SRSF4: variants seen among roughly 807,000 people sequenced by gnomAD.
The protein encoded by SRSF4 is serine/arginine-rich splicing factor 4.
SRSF4 carries 12 observed loss-of-function variants against 48.8 expected under a neutral mutation model. The ratio of observed to expected loss-of-function variants is 0.25; its 90% CI spans 0.16 to 0.40. The LOEUF (loss-of-function observed/expected upper bound fraction) is 0.40, where lower values mean the gene tolerates loss of function less well. SRSF4 is among the 10% of genes least tolerant of loss of function. The probability of loss-of-function intolerance (pLI) is 1.00; values close to 1 mark genes in which losing one functional copy is unlikely to be tolerated. For missense variants in SRSF4, 466 were observed against 667.1 expected, an observed-to-expected ratio of 0.70 and a Z score of 3.32; for synonymous variants, 248 against 232.5, an observed-to-expected ratio of 1.07 and a Z score of -0.61.
chr1:29,176,477 A>C (rs1167186500), intron 1 of SRSF4, among the ~76,000 whole-genome samples: 1 of 139,016 alleles, frequency 7.2e-6, no homozygotes, highest in Non-Finnish European at 1.5e-5. Context: ...GAGAATTAAA[A>C]ACTAAAAACT....
chr1:29,163,093 T>C (rs1443161531), intron 1 of SRSF4, among the ~76,000 whole-genome samples: 3 of 152,192 alleles, frequency 2.0e-5, no homozygotes, highest in African/African-American at 7.2e-5. Context: ...GAATCTTTCT[T>C]TGCAAGCTGA....
Position 29,160,388 on chromosome 1 carries a change from G to GT in SRSF4, c.236dup (p.Tyr79Ter). Residue 79 changes from tyrosine to a stop codon, truncating the protein, a stop_gained and frameshift_variant, in exon 2 of 6, where the codon TAC becomes TAAC. Coordinates refer to ENST00000373795, the MANE Select transcript of SRSF4 (RefSeq NM_005626.5). LOFTEE classifies it high-confidence loss of function. ...TTGAATGCTTACTGCGTCCAGAACC[G>GT]TAACTGCCATCTCGCCGTGGGCCGC... ...HARGPRRDGS[Y>*]GSGRSGYGYR... 6.2e-7 allele frequency: 1 copy of GT among 1,613,124 alleles called. No homozygotes were observed. The highest frequency in any genetic ancestry group is 8.5e-7 in the Non-Finnish European group (1 of 1,179,698).
chr1:29,156,889 A>G (rs1235262424), intron 3 of SRSF4, among the ~76,000 whole-genome samples: 1 of 152,228 alleles, frequency 6.6e-6, no homozygotes, highest in African/African-American at 2.4e-5. Flanking sequence ...TCTCCACACT[A>G]TTTACTGAGT....
rs774641267 is a variant in SRSF4, at chr1:29,148,594, G to A, written c.1301C>T (p.Ala434Val). Residue 434 changes from alanine to valine, a missense_variant, in exon 6 of 6, where the codon GCT becomes GTT. By Grantham distance (64) the Ala-to-Val change is moderately conservative. This residue lies in a region of SRSF4 where 402 missense variants were observed against 437.0 expected (regional missense o/e 0.92). Transcript: ENST00000373795. The part of the protein sequence containing the change: ...QREGRGESEN[A>V]GTNQETRSRS... The stretch of plus-strand genomic sequence containing the variant: ...GGACCGGGTCTCCTGATTGGTGCCA[G>A]CATTCTCACTCTCTCCTCGACCTTC... 13 of 1,613,936 alleles carry A rather than the reference G, an allele frequency of 8.1e-6. No individual in the cohort carries two copies. In the East Asian group the frequency reaches 2.5e-4, roughly 30 times the overall value.
At chr1:29,160,252 T>A in intron 2 of SRSF4, 123 bp downstream of exon 2, 1 of 1,154,122 alleles carries the variant, frequency 8.7e-7, no homozygotes, top group South Asian at 2.1e-5. Flanking sequence ...TTAAAAAAGA[T>A]ACATAATTTA....
chr1:29,172,690 G>A (rs1447088951), intron 1 of SRSF4: 1 of 152,180 alleles, frequency 6.6e-6, no homozygotes, highest in African/African-American at 2.4e-5. Context: ...AGCTTTTCTG[G>A]AAAGTTATTT....
chr1:29,155,720 T>C (rs1672489822), intron 3 of SRSF4, among the ~76,000 whole-genome samples: 1 of 152,128 alleles, frequency 6.6e-6, no homozygotes, highest in African/African-American at 2.4e-5. Context: ...CTCAAACTCC[T>C]GAGCTCAGGC....
chr1:29,172,027 T>C (rs1213768557), intron 1 of SRSF4: 1 of 152,128 alleles, frequency 6.6e-6, no homozygotes, highest in East Asian at 1.9e-4. Flanking sequence ...CTCAATATGG[T>C]ATTATCTCTT....
At chr1:29,159,702 T>A (rs1417725098) in intron 2 of SRSF4, 6 of 374,520 alleles carry the variant, frequency 1.6e-5, no homozygotes, top group African/African-American at 1.2e-4. Context: ...TACATATTCA[T>A]TAATATTTGC....
chr1:29,172,113 G>T (rs1469475373), intron 1 of SRSF4: 2 of 151,892 alleles, frequency 1.3e-5, no homozygotes, highest in African/African-American at 2.4e-5. Context: ...ACACTTTTTT[G>T]GGGGGTAAGT....
chr1:29,149,687 GGAA>G (rs759362917), intron 5 of SRSF4, among the ~76,000 whole-genome samples: 1 of 92,528 alleles, frequency 1.1e-5, no homozygotes. Context: ...TCTTGAGGGG[GGAA>G]AAAAAAAAAA....
At chr1:29,151,926 G>A (rs1049428161) in intron 4 of SRSF4, among the ~76,000 whole-genome samples, 1 of 152,186 alleles carries the variant, frequency 6.6e-6, no homozygotes, top group African/African-American at 2.4e-5. Context: ...GTATACAGGT[G>A]TTCATTAACT....
At chr1:29,167,848 A>G (rs1030304254) in intron 1 of SRSF4, among the ~76,000 whole-genome samples, 18 of 152,150 alleles carry the variant, frequency 1.2e-4, no homozygotes, top group Admixed American at 1.1e-3. Context: ...TTTGTATATC[A>G]AATGTGAAGA....
intron 4 of SRSF4, among the ~76,000 whole-genome samples, chr1:29,150,764 T>C (rs745978014): frequency 1.3e-5 from 2 of 152,138 alleles, no homozygotes; most frequent in Admixed American, 6.6e-5. Context: ...CTGTTATTCA[T>C]ATGGTTCCTC....
intron 1 of SRSF4, among the ~76,000 whole-genome samples, chr1:29,161,416 T>A (rs956346806): frequency 3.3e-5 from 5 of 152,160 alleles, no homozygotes; most frequent in African/African-American, 9.7e-5. Context: ...ATCTTATTGA[T>A]CATAACTAAT....
At chr1:29,155,782 T>A (rs1352467656) in intron 3 of SRSF4, among the ~76,000 whole-genome samples, 1 of 152,206 alleles carries the variant, frequency 6.6e-6, no homozygotes. Flanking sequence ...CATGGGTCAC[T>A]GTGCCCAGCC....
chr1:29,154,554 A>T, intron 4 of SRSF4, 142 bp downstream of exon 4: 1 of 772,598 alleles, frequency 1.3e-6, no homozygotes, highest in Non-Finnish European at 2.0e-6. Flanking sequence ...TTTACAAATA[A>T]ATGTTCAGTT....
chr1:29,155,047 C>G, intron 3 of SRSF4, 137 bp from the exon 4 acceptor site: 2 of 791,692 alleles, frequency 2.5e-6, no homozygotes, highest in Non-Finnish European at 3.9e-6. Flanking sequence ...TTTTCATCTA[C>G]CCATCAATCA....
chr1:29,149,087 T>C lies in SRSF4; in HGVS notation c.808A>G (p.Lys270Glu). The change falls in exon 6 of 6, where the codon AAA (lysine) becomes GAA (glutamate). Residue 270 changes from lysine (K) to glutamate (E), a missense_variant. Lys to Glu is a moderately conservative substitution (Grantham distance 56). Around this residue, in one of 2 missense-constraint regions of SRSF4, gnomAD observed 402 missense variants for 437.0 expected, o/e 0.92. Coordinates refer to ENST00000373795, the MANE Select transcript of SRSF4 (RefSeq NM_005626.5). ...HSAGKSRSKS[K>E]DQAEEKIQNN... The stretch of plus-strand genomic sequence containing the variant: ...TGGATCTTCTCTTCAGCTTGGTCTT[T>C]GCTCTTGCTGCGGCTCTTGCCAGCG... 6.2e-7 allele frequency: 1 copy of C among 1,613,820 alleles called. No homozygotes were observed. The highest frequency in any genetic ancestry group is 8.5e-7 in the Non-Finnish European group (1 of 1,179,956).
Sources: allele counts gnomAD v4.1 joint callset (sites outside exome capture counted in the v4.1 genomes callset), GRCh38; gene constraint gnomAD v4.1.1; regional missense constraint gnomAD v4.1.1; transcripts MANE v1.5; gene names NCBI Gene and HGNC (gene_info 2026-07-23, HGNC 2026-07-21).